Variants in MAPK8IP2 observed in about 807,000 individuals in gnomAD.
The protein encoded by MAPK8IP2 is C-Jun-amino-terminal kinase-interacting protein 2.
In MAPK8IP2, 15 loss-of-function variants were observed where a neutral mutation model predicts 75.6. The ratio of observed to expected loss-of-function variants is 0.20; its 90% CI spans 0.13 to 0.31. The LOEUF (loss-of-function observed/expected upper bound fraction) is 0.31, where lower values mean the gene tolerates loss of function less well. Among genes scored for constraint, MAPK8IP2 ranks in the 10% least tolerant of loss-of-function variants. The probability of loss-of-function intolerance (pLI) is 1.00; values close to 1 mark genes in which losing one functional copy is unlikely to be tolerated. For synonymous variants in MAPK8IP2, 632 were observed against 554.5 expected, an observed-to-expected ratio of 1.14 and a Z score of -1.96; for missense variants, 1,089 against 1,211.2, an observed-to-expected ratio of 0.90 and a Z score of 1.50.
chr22:50,601,480 AAGACCCT>A, intron 1 of MAPK8IP2: 1 of 322,076 alleles, frequency 3.1e-6, no homozygotes, highest in South Asian at 4.1e-5. Flanking sequence ...CCTGCTCTGC[AAGACCCT>A]GACCCCAGGG....
chr22:50,611,101 A>G lies in MAPK8IP2; in HGVS notation c.*322A>G, dbSNP rs929616667. 1.0e-5 allele frequency: 3 copies of G among 290,986 alleles called. No homozygotes were observed. The East Asian group carries it at 1.8e-4, about 17-fold the overall frequency. The allele number at this position is 290,986 out of a possible 1,614,324, so 18.0% of individuals were successfully genotyped here. A position where few individuals can be genotyped will look rare whatever the true frequency, so the allele number is the denominator to read the frequency against. ...TCTGTGCCTGCAAACCTTATCCTCT[A>G]TTCTTCACTTTGGGGTCAGAACTTC... is the stretch of plus-strand genomic sequence containing the variant. On this transcript the variant is annotated 3_prime_UTR_variant, in exon 12 of 12. Coordinates refer to ENST00000329492, the MANE Select transcript of MAPK8IP2 (RefSeq NM_012324.6). This position sits in a 1 kb window ranked among gnomAD's most constrained non-coding sequence, Gnocchi z 5.5.
rs1006048324 is a variant in MAPK8IP2 at position 50,612,785 on chromosome 22, G to C, written c.*2006G>C. The C allele has an allele frequency of 1.6e-5, 2 of 128,848 alleles. No individual in the cohort carries two copies. The highest frequency in any genetic ancestry group is 3.3e-5 in the Non-Finnish European group (2 of 60,086). 8.0% of individuals were successfully genotyped at this position (128,848 alleles called of 1,614,324 possible). ...CCCCTGTAGCTGCTGCCTGGAAACC[G>C]CTGCCACCCACCCACCTCCTCCCTC... On this transcript the variant is annotated 3_prime_UTR_variant, in exon 12 of 12. Coordinates refer to ENST00000329492, the MANE Select transcript of MAPK8IP2 (RefSeq NM_012324.6).
Position 50,604,769 on chromosome 22 carries a change from G to A in MAPK8IP2, c.1470G>A (p.Gly490=), listed in dbSNP as rs753580427. ...CCGAGGACAGTGCGGGGTCCCCCGGGGGCAGGGGCACGGGCCCCTCGGCGC... is the reference window on the plus strand; with the variant it reads ...CCGAGGACAGTGCGGGGTCCCCCGGAGGCAGGGGCACGGGCCCCTCGGCGC... The part of the protein sequence containing the change: ...EDAEDSAGSP[G]GRGTGPSAPR... The change falls in exon 5 of 12, where the codon GGG becomes GGA. Residue 490 remains glycine, a synonymous_variant. Coordinates refer to ENST00000329492, the MANE Select transcript of MAPK8IP2 (RefSeq NM_012324.6). 1.3e-6 allele frequency: 2 copies of A among 1,544,758 alleles called. No homozygotes were observed. Among genetic ancestry groups the A allele is most frequent in the East Asian group, 2.4e-5 (1 of 40,850 alleles).
chr22:50,606,561 CATA>C (rs2071053701), intron 8 of MAPK8IP2, 94 bp from the exon 9 acceptor site: 1 of 863,798 alleles, frequency 1.2e-6, no homozygotes, highest in South Asian at 1.4e-5. Flanking sequence ...TGTCCTCAAA[CATA>C]AGCTAAAAGG....
In MAPK8IP2 at chr22:50,611,235, ATCTC is replaced by A. The variant is rs548532377; in HGVS notation, c.*457_*460del. On this transcript the variant is annotated 3_prime_UTR_variant, in exon 12 of 12. Coordinates refer to ENST00000329492, the MANE Select transcript of MAPK8IP2 (RefSeq NM_012324.6). This position sits in a 1 kb window ranked among gnomAD's most constrained non-coding sequence, Gnocchi z 5.5. ...AAGGGAATTTTAATTTTTATAGTGA[ATCTC>A]AAGGGATCATCCCATCCTTGACCAC... 6.4e-4 allele frequency: 100 copies of A among 155,256 alleles called. No individual in the cohort carries two copies. Among genetic ancestry groups the A allele is most frequent in the Middle Eastern group, 6.8e-3 (2 of 296 alleles). The allele number at this position is 155,256 out of a possible 1,614,324, so 9.6% of individuals were successfully genotyped here.
At position 50,607,074 on chromosome 22, in the gene MAPK8IP2, C is replaced by A. The variant is rs1333247721; in HGVS notation, c.2303+83C>A. ...ACCGCCCCCTGAGTCCCCACAGACC[C>A]TGAGGGCTGCCCGTGCCCAGCCCTG... On this transcript the variant is annotated intron_variant, in intron 10 of 11. Coordinates refer to ENST00000329492, the MANE Select transcript of MAPK8IP2 (RefSeq NM_012324.6). This position sits in a 1 kb window ranked among gnomAD's most constrained non-coding sequence, Gnocchi z 5.6. 1 of 1,137,116 alleles carries A rather than the reference C, an allele frequency of 8.8e-7. No individual in the cohort carries two copies. Among genetic ancestry groups the A allele is most frequent in the South Asian group, 1.2e-5 (1 of 80,226 alleles). 70.4% of individuals were successfully genotyped at this position (1,137,116 alleles called of 1,614,324 possible). A position where few individuals can be genotyped will look rare whatever the true frequency, so the allele number is the denominator to read the frequency against.
intron 8 of MAPK8IP2, 85 bp from the exon 9 acceptor site, chr22:50,606,573 G>C (rs1421343528): frequency 1.3e-5 from 12 of 916,140 alleles, no homozygotes; most frequent in Non-Finnish European, 1.8e-5. Context: ...TAAGCTAAAA[G>C]GAGCAGAGGC....
At position 50,605,705 on chromosome 22, in the gene MAPK8IP2, C is replaced by G; in HGVS notation, c.1985C>G (p.Ala662Gly). The G allele has an allele frequency of 2.5e-6, 4 of 1,609,948 alleles. No homozygotes were observed. The highest frequency in any genetic ancestry group is 3.4e-6 in the Non-Finnish European group (4 of 1,178,420). ...GTGTTTCCTGCCTTCTACGCCCATGCGGTGCCCGGCCCTGCCAAGGACCTG... is the reference window on the plus strand; with the variant it reads ...GTGTTTCCTGCCTTCTACGCCCATGGGGTGCCCGGCCCTGCCAAGGACCTG... Reference protein sequence around the residue: ...RGVFPAFYAHAVPGPAKDLLG... With the variant: ...RGVFPAFYAHGVPGPAKDLLG... Residue 662 changes from alanine (A) to glycine (G), a missense_variant, in exon 7 of 12, where the codon GCG becomes GGG. Transcript: ENST00000329492.
At chr22:50,606,039 T>G in intron 8 of MAPK8IP2, 105 bp downstream of exon 8, 1 of 958,920 alleles carries the variant, frequency 1.0e-6, no homozygotes, top group Non-Finnish European at 1.6e-6. Flanking sequence ...GAGGTCTGAT[T>G]TCCTCCAGGG....
rs532587032 is a variant in MAPK8IP2 at position 50,605,670 on chromosome 22, G to T, written c.1950G>T (p.Gly650=). 1 of 1,612,480 alleles carries T rather than the reference G, an allele frequency of 6.2e-7. No individual in the cohort carries two copies. The highest frequency in any genetic ancestry group is 8.5e-7 in the Non-Finnish European group (1 of 1,179,664). The change falls in exon 7 of 12, where the codon GGG becomes GGT. Residue 650 remains glycine (G), a synonymous_variant. Coordinates refer to ENST00000329492, the MANE Select transcript of MAPK8IP2 (RefSeq NM_012324.6). ...FWFRGFNMRT[G]ERGVFPAFYA... ...TCCGTGGCTTCAACATGCGCACGGGGGAGCGCGGTGTGTTTCCTGCCTTCT... is the reference window on the plus strand; with the variant it reads ...TCCGTGGCTTCAACATGCGCACGGGTGAGCGCGGTGTGTTTCCTGCCTTCT...
intron 5 of MAPK8IP2, 126 bp downstream of exon 5, chr22:50,605,190 C>T (rs1294106410): frequency 3.3e-6 from 4 of 1,209,192 alleles, no homozygotes; most frequent in East Asian, 2.5e-5. Context: ...GGCTGGGTGC[C>T]CTCTCCCACC....
chr22:50,604,294 AGTCGGG>A lies in MAPK8IP2; in HGVS notation c.1001_1006del (p.Gly334_Ser335del). The A allele has an allele frequency of 1.3e-6, 2 of 1,560,038 alleles. No individual in the cohort carries two copies. Among genetic ancestry groups the A allele is most frequent in the Non-Finnish European group, 1.7e-6 (2 of 1,160,756 alleles). On this transcript the variant is annotated inframe_deletion, in exon 5 of 12. Transcript: ENST00000329492. ...CCCGACGACACCAACAGCGAGTACG[AGTCGGG>A]GTCGGAGTCGGAGCCGGACCTCAGC...
In MAPK8IP2 at chr22:50,601,869, G is replaced by A; in HGVS notation, c.146G>A (p.Ser49Asn). 6.2e-7 allele frequency: 1 copy of A among 1,613,834 alleles called. No individual in the cohort carries two copies. The highest frequency in any genetic ancestry group is 8.5e-7 in the Non-Finnish European group (1 of 1,179,770). ...EITDDCGLGL[S>N]YDSDHCEKDS... ...ACTGATGACTGTGGCCTGGGCCTCA[G>A]CTACGACTCAGACCACTGTGAGAAG... The change falls in exon 2 of 12, where the codon AGC (serine) becomes AAC (asparagine). Residue 49 changes from serine to asparagine, a missense_variant. Ser to Asn is a conservative substitution (Grantham distance 46). This residue lies in a region of MAPK8IP2 where 960 missense variants were observed against 1,009.6 expected (regional missense o/e 0.95). Coordinates refer to ENST00000329492, the MANE Select transcript of MAPK8IP2 (RefSeq NM_012324.6).
In MAPK8IP2 at chr22:50,602,625, C is replaced by G. The variant is rs546651659; in HGVS notation, c.172-598C>G. Among the ~76,000 whole-genome samples the G allele has an allele frequency of 1.4e-4, 22 of 152,240 alleles. No homozygotes were observed. In the East Asian group the frequency reaches 4.2e-3, roughly 29 times the overall value. On this transcript the variant is annotated intron_variant, in intron 2 of 11. Coordinates refer to ENST00000329492, the MANE Select transcript of MAPK8IP2 (RefSeq NM_012324.6). ...CAACCATGCCCTGAGGTTAGCAGAG[C>G]CAGGCAGATGGGGTAGGTAGGAGGG... is the stretch of plus-strand genomic sequence containing the variant.
In MAPK8IP2 at chr22:50,603,961, C is replaced by T. The variant is rs1390933527; in HGVS notation, c.662C>T (p.Ser221Leu). Residue 221 changes from serine to leucine, a missense_variant, in exon 5 of 12, where the codon TCG (serine) becomes TTG (leucine). Ser to Leu is a moderately radical substitution (Grantham distance 145). Transcript: ENST00000329492. ...PAEPPAPGGT[S>L]PSSDPGIEAD... ...GAACCCCCTGCGCCAGGGGGGACTTCGCCCTCCTCAGATCCCGGCATCGAG... is the reference window on the plus strand; with the variant it reads ...GAACCCCCTGCGCCAGGGGGGACTTTGCCCTCCTCAGATCCCGGCATCGAG... The T allele has an allele frequency of 3.9e-6, 6 of 1,550,344 alleles. No individual in the cohort carries two copies. Among genetic ancestry groups the T allele is most frequent in the South Asian group, 2.4e-5 (2 of 84,890 alleles).
At chr22:50,602,658 G>A (rs902024978) in intron 2 of MAPK8IP2, among the ~76,000 whole-genome samples, 2 of 152,208 alleles carry the variant, frequency 1.3e-5, no homozygotes, top group Admixed American at 1.3e-4. Context: ...GGGAATGGAG[G>A]AGAGGAAGTG....
In MAPK8IP2 at chr22:50,606,935, C is replaced by T. The variant is rs2071062667; in HGVS notation, c.2247C>T (p.Ser749=). The T allele has an allele frequency of 1.2e-6, 2 of 1,613,898 alleles. No individual in the cohort carries two copies. Among genetic ancestry groups the T allele is most frequent in the Non-Finnish European group, 1.7e-6 (2 of 1,179,844 alleles). The change falls in exon 10 of 12, where the codon AGC becomes AGT. Residue 749 remains serine, a synonymous_variant. Transcript: ENST00000329492. ...SGGGPEFQRC[S]HFFQMKNISF... is the part of the protein sequence containing the mutation. ...CTCTGCTCTAGTTCCAGCGCTGCAGCCATTTCTTCCAGATGAAGAACATCT... is the reference window on the plus strand; with the variant it reads ...CTCTGCTCTAGTTCCAGCGCTGCAGTCATTTCTTCCAGATGAAGAACATCT...
In MAPK8IP2 at chr22:50,612,677, TA is replaced by T. The variant is rs1238474161; in HGVS notation, c.*1901del. 1 of 152,284 alleles carries T rather than the reference TA, an allele frequency of 6.6e-6. No individual in the cohort carries two copies. Among genetic ancestry groups the T allele is most frequent in the African/African-American group, 2.4e-5 (1 of 41,468 alleles). 9.4% of individuals were successfully genotyped at this position (152,284 alleles called of 1,614,324 possible). On this transcript the variant is annotated 3_prime_UTR_variant, in exon 12 of 12. Coordinates refer to ENST00000329492, the MANE Select transcript of MAPK8IP2 (RefSeq NM_012324.6). ...TTTCCTACTAATTGAGATAAAGCTGTAAAGAGGCAGATAGCCCCACTGGGTG... is the reference window on the plus strand; with the variant it reads ...TTTCCTACTAATTGAGATAAAGCTGTAAGAGGCAGATAGCCCCACTGGGTG...
At position 50,610,158 on chromosome 22, in the gene MAPK8IP2, T is replaced by A. The variant is rs2071123704; in HGVS notation, c.2304-54T>A. 3.7e-6 allele frequency: 5 copies of A among 1,340,810 alleles called. No individual in the cohort carries two copies. Among genetic ancestry groups the A allele is most frequent in the Non-Finnish European group, 5.3e-6 (5 of 952,066 alleles). The allele number at this position is 1,340,810 out of a possible 1,614,324, so 83.1% of individuals were successfully genotyped here. On this transcript the variant is annotated intron_variant, in intron 10 of 11. Coordinates refer to ENST00000329492, the MANE Select transcript of MAPK8IP2 (RefSeq NM_012324.6). The surrounding 1 kb of genome is among the most constrained non-coding windows in gnomAD (Gnocchi z 4.3). The stretch of plus-strand genomic sequence containing the variant: ...TCTTCTCTCTACATCATTTGTGGGG[T>A]GGCCAAGGCTGGGCCAGGGCTCTGA...
Sources: gnomAD v4.1 joint callset for allele counts (sites outside exome capture counted in the v4.1 genomes callset) on GRCh38, gnomAD v4.1.1 for gene constraint, gnomAD v4.1.1 regional missense constraint, Gnocchi (gnomAD v3.1) non-coding constraint, MANE v1.5 for transcripts, NCBI Gene and HGNC (gene_info 2026-07-23, HGNC 2026-07-21) for gene names.